RIMS3: variants seen among roughly 807,000 people sequenced by gnomAD.
RIMS3 encodes regulating synaptic membrane exocytosis protein 3.
In RIMS3, 15 loss-of-function variants were observed where a neutral mutation model predicts 29.2. The ratio of observed to expected loss-of-function variants is 0.51; its 90% CI spans 0.34 to 0.79. The LOEUF (loss-of-function observed/expected upper bound fraction) is 0.79. Among genes scored for constraint, RIMS3 ranks in the 30% least tolerant of loss-of-function variants. The pLI, the probability that RIMS3 is intolerant of heterozygous loss-of-function variation, is 0.01. For missense variants in RIMS3, 342 were observed against 421.4 expected (o/e 0.81, Z 1.65); for synonymous variants, 161 against 170.1 (o/e 0.95, Z 0.41).
At chr1:40,660,552 A>T (rs1238985265) in intron 1 of RIMS3, among the ~76,000 whole-genome samples, 1 of 150,852 alleles carries the variant, frequency 6.6e-6, no homozygotes, top group East Asian at 2.0e-4. Flanking sequence ...TAATTTTTGT[A>T]TTTTTTTTGT....
At chr1:40,672,620 T>C in the RIMS3 span, among the ~76,000 whole-genome samples, 2 of 152,178 alleles carry the variant, frequency 1.3e-5, no homozygotes, top group Non-Finnish European at 2.9e-5. Flanking sequence ...CAGAAGCTCC[T>C]TGGAGGCTAT....
At chr1:40,644,711 C>G (rs531535381) in intron 2 of RIMS3, among the ~76,000 whole-genome samples, 2 of 152,278 alleles carry the variant, frequency 1.3e-5, no homozygotes, top group South Asian at 4.1e-4. Flanking sequence ...ATCCTCTGCT[C>G]AGGAAGAACC....
At chr1:40,659,728 C>T (rs1161133420) in intron 1 of RIMS3, among the ~76,000 whole-genome samples, 1 of 152,156 alleles carries the variant, frequency 6.6e-6, no homozygotes, top group Non-Finnish European at 1.5e-5. Flanking sequence ...AAATGACGTT[C>T]GAGCTGGTAT....
intron 2 of RIMS3, among the ~76,000 whole-genome samples, chr1:40,645,043 C>T (rs1027659534): frequency 5.3e-5 from 8 of 152,216 alleles, no homozygotes; most frequent in Admixed American, 3.9e-4. Flanking sequence ...GAATTAACGC[C>T]TCATTTTGCC....
intron 4 of RIMS3, among the ~76,000 whole-genome samples, chr1:40,634,122 T>C (rs993067145): frequency 1.3e-5 from 2 of 152,084 alleles, no homozygotes; most frequent in Non-Finnish European, 2.9e-5. Context: ...CCTCAGGGGC[T>C]ATGATAGAAT....
chr1:40,660,160 G>A (rs1642330856), intron 1 of RIMS3, among the ~76,000 whole-genome samples: 1 of 152,090 alleles, frequency 6.6e-6, no homozygotes, highest in African/African-American at 2.4e-5. Flanking sequence ...TGGTTATAGG[G>A]GTGTGGGACG....
chr1:40,644,316 T>C (rs1646580393), intron 2 of RIMS3, among the ~76,000 whole-genome samples: 1 of 152,220 alleles, frequency 6.6e-6, no homozygotes, highest in Non-Finnish European at 1.5e-5. Context: ...GTCATAAATG[T>C]CTTTTGGATT....
chr1:40,691,700 C>T, the RIMS3 span: 1 of 452,248 alleles, frequency 2.2e-6, no homozygotes, highest in Non-Finnish European at 4.4e-6. Flanking sequence ...AAAGGGGAAA[C>T]GGTGCAAACG....
At chr1:40,658,672 A>T (rs1204532608) in intron 1 of RIMS3, among the ~76,000 whole-genome samples, 1 of 152,232 alleles carries the variant, frequency 6.6e-6, no homozygotes, top group Non-Finnish European at 1.5e-5. Flanking sequence ...ACCAAGGGAC[A>T]CAATACAGGA....
intron 1 of RIMS3, among the ~76,000 whole-genome samples, chr1:40,650,160 G>A (rs950236260): frequency 7.2e-5 from 11 of 152,306 alleles, no homozygotes; most frequent in Admixed American, 4.6e-4. Flanking sequence ...AGGGCTGGGT[G>A]AGCCGTGTCT....
At chr1:40,645,016 T>C (rs557435912) in intron 2 of RIMS3, among the ~76,000 whole-genome samples, 27 of 152,284 alleles carry the variant, frequency 1.8e-4, no homozygotes, top group African/African-American at 6.3e-4. Context: ...TGGCAAAGTA[T>C]AGCTGACAGA....
At chr1:40,681,931 TCAAGTGATTTTCCTGCCTCCGCCTCC>T in the RIMS3 span, among the ~76,000 whole-genome samples, 1 of 152,306 alleles carries the variant, frequency 6.6e-6, no homozygotes, top group East Asian at 1.9e-4. Context: ...CCTTCCAGGT[TCAAGTGATTTTCCTGCCTCCGCCTCC>T]CAAGTAGCTG....
chr1:40,640,542 T>A (rs947752963), intron 3 of RIMS3, among the ~76,000 whole-genome samples: 3 of 151,886 alleles, frequency 2.0e-5, no homozygotes, highest in African/African-American at 7.3e-5. Context: ...CCCCTCACCA[T>A]CCCATCCAGC....
chr1:40,687,075 C>A, the RIMS3 span, among the ~76,000 whole-genome samples: 320 of 151,914 alleles, frequency 2.1e-3, 3 homozygotes, highest in African/African-American at 7.2e-3. Context: ...GTATATACCC[C>A]CAATAATTGA....
the RIMS3 span, among the ~76,000 whole-genome samples, chr1:40,677,836 C>T: frequency 3.3e-5 from 5 of 152,182 alleles, no homozygotes; most frequent in Admixed American, 2.6e-4. Flanking sequence ...AAGTCGTGTT[C>T]TTGACATGTA....
rs1646415752 is a variant in RIMS3 at position 40,620,720 on chromosome 1, T to C, written c.*5797A>G. On this transcript the variant is annotated 3_prime_UTR_variant, in exon 8 of 8. Coordinates refer to ENST00000372684, the MANE Select transcript of RIMS3 (RefSeq NM_014747.3). ...CTTTAATCATGTTTTGCTGCCCAAA[T>C]ACTGTACATGCAGAAGCCATGTGAA... 1.3e-5 allele frequency: 2 copies of C among 152,594 alleles called. No homozygotes were observed. Among genetic ancestry groups the C allele is most frequent in the African/African-American group, 2.4e-5 (1 of 41,440 alleles). The allele number at this position is 152,594 out of a possible 1,614,324, so 9.5% of individuals were successfully genotyped here.
rs1466663296 is a variant in RIMS3, at chr1:40,654,013, C to A, written c.-206-6171G>T. 6.6e-6 allele frequency among the ~76,000 whole-genome samples: 1 copy of A among 152,146 alleles called. No individual in the cohort carries two copies. The highest frequency in any genetic ancestry group is 1.5e-5 in the Non-Finnish European group (1 of 68,020). On this transcript the variant is annotated intron_variant, in intron 1 of 7. Coordinates refer to ENST00000372684, the MANE Select transcript of RIMS3 (RefSeq NM_014747.3). This position sits in a 1 kb window ranked among gnomAD's most constrained non-coding sequence, Gnocchi z 5.3. ...TCATCCTGAGAGGCAGGGGCCCCAACAAAGGGTGTTGGTGGATGGGACAAT... is the reference window on the plus strand; with the variant it reads ...TCATCCTGAGAGGCAGGGGCCCCAAAAAAGGGTGTTGGTGGATGGGACAAT...
chr1:40,672,864 T>C, the RIMS3 span, among the ~76,000 whole-genome samples: 6 of 73,312 alleles, frequency 8.2e-5, no homozygotes, highest in Non-Finnish European at 1.6e-4. Context: ...ACCCCATCTC[T>C]GGAGAAAAAA....
intron 5 of RIMS3, among the ~76,000 whole-genome samples, chr1:40,630,836 G>A (rs547596095): frequency 1.3e-5 from 2 of 152,352 alleles, no homozygotes; most frequent in South Asian, 4.1e-4. Flanking sequence ...ACCCTTAAGA[G>A]ACTGAAAACA....
Sources: gnomAD v4.1 joint callset for allele counts (sites outside exome capture counted in the v4.1 genomes callset) on GRCh38, gnomAD v4.1.1 for gene constraint, Gnocchi (gnomAD v3.1) non-coding constraint, MANE v1.5 for transcripts, NCBI Gene and HGNC (gene_info 2026-07-23, HGNC 2026-07-21) for gene names.